The following MAGI2 variants were observed in gnomAD, a reference collection of about 807,000 sequenced individuals.
MAGI2 encodes the protein membrane associated guanylate kinase, WW and PDZ domain containing 2.
MAGI2 carries 35 observed loss-of-function variants against 133.3 expected under a neutral mutation model. The observed-to-expected ratio is 0.26, with a 90% CI of 0.20 to 0.35. MAGI2 has a LOEUF of 0.35. Ranked by LOEUF, MAGI2 falls within the 10% of genes least tolerant of loss-of-function variation. MAGI2 has a pLI of 1.00. For missense variants in MAGI2, 1,636 were observed against 1,863.4 expected, an observed-to-expected ratio of 0.88 and a Z score of 2.25; for synonymous variants, 729 against 710.6, an observed-to-expected ratio of 1.03 and a Z score of -0.41.
intron 2 of MAGI2, among the ~76,000 whole-genome samples, chr7:78,994,587 C>T (rs1806102873): frequency 6.6e-6 from 1 of 152,010 alleles, no homozygotes; most frequent in South Asian, 2.1e-4. Context: ...GAAACCAGAC[C>T]TATAGTGACT....
intron 1 of MAGI2, among the ~76,000 whole-genome samples, chr7:79,056,961 CA>C (rs2117034849): frequency 6.6e-6 from 1 of 152,260 alleles, no homozygotes. Flanking sequence ...AAACTGTGAA[CA>C]ATACCTAAAA....
intron 2 of MAGI2, among the ~76,000 whole-genome samples, chr7:78,858,263 T>C (rs1177637487): frequency 6.6e-6 from 1 of 152,184 alleles, no homozygotes; most frequent in Non-Finnish European, 1.5e-5. Context: ...TCAGTTCTGC[T>C]CTGAACTCAG....
chr7:79,198,402 A>G (rs996545890), intron 1 of MAGI2, among the ~76,000 whole-genome samples: 1 of 151,830 alleles, frequency 6.6e-6, no homozygotes, highest in Admixed American at 6.6e-5. Flanking sequence ...GCACACAAAC[A>G]TGATATGACT....
intron 1 of MAGI2, among the ~76,000 whole-genome samples, chr7:79,149,395 C>G (rs948520111): frequency 6.6e-6 from 1 of 151,892 alleles, no homozygotes; most frequent in East Asian, 1.9e-4. Flanking sequence ...ATTTTGGATG[C>G]GTAACCTTTG....
At chr7:79,165,033 T>G (rs1197050214) in intron 1 of MAGI2, among the ~76,000 whole-genome samples, 1 of 152,098 alleles carries the variant, frequency 6.6e-6, no homozygotes, top group Non-Finnish European at 1.5e-5. Context: ...CCTCTCTTGT[T>G]TCTAAAAATC....
At chr7:78,748,077 A>G (rs1823095760) in intron 2 of MAGI2, among the ~76,000 whole-genome samples, 2 of 152,194 alleles carry the variant, frequency 1.3e-5, no homozygotes, top group South Asian at 4.1e-4. Context: ...CAGCTTCACA[A>G]AAGAGACCAT....
intron 2 of MAGI2, among the ~76,000 whole-genome samples, chr7:78,730,889 G>C (rs1333668053): frequency 6.6e-6 from 1 of 152,016 alleles, no homozygotes; most frequent in Non-Finnish European, 1.5e-5. Context: ...TATATTCACT[G>C]AATCTTCTGA....
chr7:78,616,898 T>A (rs1218082264), intron 3 of MAGI2: 1 of 152,184 alleles, frequency 6.6e-6, no homozygotes, highest in Non-Finnish European at 1.5e-5. Context: ...CAGTGATTAT[T>A]CTAAGTTTGA....
chr7:78,795,748 A>C (rs577023285), intron 2 of MAGI2, among the ~76,000 whole-genome samples: 125 of 152,234 alleles, frequency 8.2e-4, no homozygotes, highest in African/African-American at 2.9e-3. Flanking sequence ...TTATGTAATA[A>C]AGCTATAATA....
intron 1 of MAGI2, among the ~76,000 whole-genome samples, chr7:79,100,853 A>C (rs1322053617): frequency 1.3e-5 from 2 of 151,892 alleles, no homozygotes; most frequent in Non-Finnish European, 2.9e-5. Flanking sequence ...GTCTATGGTA[A>C]GAGGAGGTAA....
chr7:79,045,575 G>A (rs193015834), intron 1 of MAGI2, among the ~76,000 whole-genome samples: 4,012 of 152,198 alleles, frequency 0.026, 97 homozygotes, highest in Non-Finnish European at 0.043. Flanking sequence ...GGCGGATCAC[G>A]AGGTCAGGAG....
chr7:79,258,425 C>T (rs371084917), intron 1 of MAGI2, among the ~76,000 whole-genome samples: 2 of 152,122 alleles, frequency 1.3e-5, no homozygotes, highest in African/African-American at 2.4e-5. Context: ...ACCAAATAAA[C>T]CTTCTTCCTT....
At chr7:78,255,817 CTT>C in intron 10 of MAGI2, 124 bp downstream of exon 10, 1 of 1,016,152 alleles carries the variant, frequency 9.8e-7, no homozygotes, top group South Asian at 1.4e-5. Flanking sequence ...CTCTCTCACT[CTT>C]TAAGCTTTAT....
intron 1 of MAGI2, among the ~76,000 whole-genome samples, chr7:79,280,945 A>G (rs1835592403): frequency 2.8e-5 from 4 of 143,294 alleles, no homozygotes; most frequent in African/African-American, 1.1e-4. Context: ...AAAAAAAAAA[A>G]AAAAAAAAAA....
intron 5 of MAGI2, among the ~76,000 whole-genome samples, chr7:78,496,812 A>G (rs559923273): frequency 6.6e-6 from 1 of 152,308 alleles, no homozygotes; most frequent in South Asian, 2.1e-4. Flanking sequence ...GACAGTCTAC[A>G]TCGCGTGAAA....
chr7:79,174,587 C>T (rs1235003012), intron 1 of MAGI2, among the ~76,000 whole-genome samples: 2 of 151,756 alleles, frequency 1.3e-5, no homozygotes, highest in Non-Finnish European at 2.9e-5. Context: ...TGCAGTGGCT[C>T]ATACCTATAA....
At chr7:78,183,829 A>G (rs1044758598) in intron 13 of MAGI2, among the ~76,000 whole-genome samples, 5 of 152,116 alleles carry the variant, frequency 3.3e-5, no homozygotes, top group Non-Finnish European at 7.4e-5. Flanking sequence ...TGGCTTCCCA[A>G]ATGCTGAGAT....
chr7:79,202,775 G>A (rs574788021), intron 1 of MAGI2, among the ~76,000 whole-genome samples: 16 of 151,838 alleles, frequency 1.1e-4, no homozygotes, highest in Non-Finnish European at 1.9e-4. Context: ...TTGTAACCAA[G>A]TCTTCTAAAA....
At chr7:78,699,287 G>A (rs1033975100) in intron 2 of MAGI2, among the ~76,000 whole-genome samples, 4 of 152,134 alleles carry the variant, frequency 2.6e-5, no homozygotes, top group Admixed American at 6.6e-5. Context: ...TTTGTGTAGT[G>A]ATAAGGTCTC....
Sources: allele counts gnomAD v4.1 joint callset (sites outside exome capture counted in the v4.1 genomes callset), GRCh38; gene constraint gnomAD v4.1.1; transcripts MANE v1.5; gene names NCBI Gene and HGNC (gene_info 2026-07-23, HGNC 2026-07-21).